The following PLSCR2 variants were observed in gnomAD, a reference collection of about 807,000 sequenced individuals.
The protein encoded by PLSCR2 is phospholipid scramblase 2.
PLSCR2 carries 18 observed loss-of-function variants against 25.3 expected under a neutral mutation model. That is an observed-to-expected ratio of 0.71 (90% CI 0.49 to 1.06). The LOEUF (loss-of-function observed/expected upper bound fraction) is 1.06, where lower values mean the gene tolerates loss of function less well. Ranked by LOEUF, PLSCR2 falls within the 50% of genes least tolerant of loss-of-function variation. The pLI is 0.00. For synonymous variants in PLSCR2, 88 were observed against 87.3 expected (o/e 1.01, Z -0.04); for missense variants, 243 against 269.5 (o/e 0.90, Z 0.69).
intron 1 of PLSCR2, among the ~76,000 whole-genome samples, chr3:146,491,833 C>A (rs772389533): frequency 9.9e-5 from 15 of 152,182 alleles, no homozygotes; most frequent in African/African-American, 3.6e-4. Flanking sequence ...AATTCTATGT[C>A]TGTCACTTCA....
At position 146,454,182 on chromosome 3, in the gene PLSCR2, T is replaced by C. The variant is rs1339398881; in HGVS notation, c.322-19A>G. 4.6e-6 allele frequency: 7 copies of C among 1,519,372 alleles called. No individual in the cohort carries two copies. In the East Asian group the frequency reaches 1.6e-4, roughly 35 times the overall value. 94.1% of individuals were successfully genotyped at this position (1,519,372 alleles called of 1,614,324 possible). A position where few individuals can be genotyped will look rare whatever the true frequency, so the allele number is the denominator to read the frequency against. On this transcript the variant is annotated intron_variant, in intron 4 of 6. Coordinates refer to ENST00000610787, the Ensembl canonical transcript of PLSCR2. ...TTTCTATCTACAAAAGTAAAATATG[T>C]GTGAACGTAATAAATCATCATAATA...
At chr3:146,476,525 T>G (rs954115833) in intron 1 of PLSCR2, among the ~76,000 whole-genome samples, 1 of 152,170 alleles carries the variant, frequency 6.6e-6, no homozygotes, top group African/African-American at 2.4e-5. Context: ...AGGGGAAGCC[T>G]TCATCACTGC....
intron 1 of PLSCR2, among the ~76,000 whole-genome samples, chr3:146,480,665 A>C (rs375002885): frequency 4.6e-5 from 7 of 152,204 alleles, no homozygotes; most frequent in Admixed American, 3.3e-4. Context: ...CAAAGAGGAG[A>C]TGGTACCATT....
intron 1 of PLSCR2, among the ~76,000 whole-genome samples, chr3:146,476,157 C>A (rs898303393): frequency 6.6e-6 from 1 of 152,018 alleles, no homozygotes; most frequent in Admixed American, 6.6e-5. Context: ...CCAAGAAGAA[C>A]GAAGACAGTG....
chr3:146,426,221 C>T (rs1225528807), intron 2 of PLSCR2, among the ~76,000 whole-genome samples: 1 of 135,906 alleles, frequency 7.4e-6, no homozygotes, highest in Non-Finnish European at 1.6e-5. Context: ...CTCCCTCCTT[C>T]CCTCCCTCCT....
At chr3:146,480,703 A>G (rs957416668) in intron 1 of PLSCR2, among the ~76,000 whole-genome samples, 34 of 152,224 alleles carry the variant, frequency 2.2e-4, no homozygotes, top group African/African-American at 8.0e-4. Flanking sequence ...AATCAATAGA[A>G]AAAGAGGGAA....
chr3:146,449,922 G>A (rs766975398), intron 5 of PLSCR2, among the ~76,000 whole-genome samples: 1 of 152,186 alleles, frequency 6.6e-6, no homozygotes, highest in Non-Finnish European at 1.5e-5. Flanking sequence ...TAAGTAACTT[G>A]ATGGGATGCC....
At chr3:146,428,645 G>T (rs1450541540), downstream of PLSCR2, among the ~76,000 whole-genome samples, 1 of 152,052 alleles carries the variant, frequency 6.6e-6, no homozygotes, top group Non-Finnish European at 1.5e-5. Context: ...TGGTTTTAGG[G>T]TATGAGATTT....
intron 3 of PLSCR2, among the ~76,000 whole-genome samples, chr3:146,394,491 C>G (rs2038207319): frequency 6.6e-6 from 1 of 152,086 alleles, no homozygotes; most frequent in African/African-American, 2.4e-5. Context: ...GTCTCGAACT[C>G]CTGACCTCAG....
chr3:146,438,358 A>G (rs1049467701), downstream of PLSCR2, among the ~76,000 whole-genome samples: 8 of 152,188 alleles, frequency 5.3e-5, no homozygotes, highest in Non-Finnish European at 1.2e-4. Context: ...TGATCTGTCT[A>G]ATGTTGACAG....
chr3:146,489,515 G>C (rs2043467503), intron 1 of PLSCR2, among the ~76,000 whole-genome samples: 1 of 152,032 alleles, frequency 6.6e-6, no homozygotes, highest in East Asian at 1.9e-4. Context: ...GTTCCCTCCA[G>C]TGACTGATTG....
chr3:146,495,795 T>C, intron 1 of PLSCR2: 1 of 897,156 alleles, frequency 1.1e-6, no homozygotes, highest in Non-Finnish European at 1.7e-6. Context: ...AGGTAGTTCG[T>C]GAATAGGAAC....
At chr3:146,422,472 C>G (rs926467774) in intron 2 of PLSCR2, among the ~76,000 whole-genome samples, 2 of 152,074 alleles carry the variant, frequency 1.3e-5, no homozygotes, top group Middle Eastern at 3.2e-3. Flanking sequence ...ACAGGGACAG[C>G]AACCTAATTG....
At chr3:146,479,574 G>A (rs525903) in intron 1 of PLSCR2, among the ~76,000 whole-genome samples, 48,818 of 151,104 alleles carry the variant, frequency 0.32, 7,819 homozygotes, top group South Asian at 0.41. Flanking sequence ...CAGTACAGGA[G>A]CATTCATAAA....
At chr3:146,494,916 A>G (rs189481247) in intron 1 of PLSCR2, 1 of 152,310 alleles carries the variant, frequency 6.6e-6, no homozygotes, top group Admixed American at 6.5e-5. Flanking sequence ...AGAAACTTGC[A>G]GATCATTTGT....
chr3:146,486,365 A>G (rs2043340972), intron 1 of PLSCR2, among the ~76,000 whole-genome samples: 1 of 148,270 alleles, frequency 6.7e-6, no homozygotes, highest in African/African-American at 2.5e-5. Flanking sequence ...TTCAAAAAAA[A>G]TCAATGAATC....
intron 1 of PLSCR2, among the ~76,000 whole-genome samples, chr3:146,481,721 A>G (rs2043138094): frequency 6.6e-6 from 1 of 152,332 alleles, no homozygotes; most frequent in East Asian, 1.9e-4. Flanking sequence ...CAGAGTTGGA[A>G]AAAACTACTT....
chr3:146,455,934 T>G (rs201584512), intron 3 of PLSCR2, among the ~76,000 whole-genome samples: 2 of 152,210 alleles, frequency 1.3e-5, no homozygotes, highest in East Asian at 3.9e-4. Flanking sequence ...CACTGTTTGG[T>G]GAAAGGCAGT....
intron 3 of PLSCR2, among the ~76,000 whole-genome samples, chr3:146,394,370 C>T (rs1015471879): frequency 2.0e-5 from 3 of 151,900 alleles, no homozygotes; most frequent in South Asian, 2.1e-4. Flanking sequence ...TGGGTTCAAG[C>T]GATTCTCCTG....
Sources: gnomAD v4.1 joint callset for allele counts (sites outside exome capture counted in the v4.1 genomes callset) on GRCh38, gnomAD v4.1.1 for gene constraint, MANE v1.5 for transcripts, NCBI Gene and HGNC (gene_info 2026-07-23, HGNC 2026-07-21) for gene names.